Variants in CNTN5 observed in about 807,000 individuals in gnomAD.
The protein encoded by CNTN5 is contactin-5.
In CNTN5, 77 loss-of-function variants were observed where a neutral mutation model predicts 129.1. That is an observed-to-expected ratio of 0.60 (90% CI 0.50 to 0.72). CNTN5 has a LOEUF of 0.72. CNTN5 is among the 30% of genes least tolerant of loss of function. The probability of loss-of-function intolerance (pLI) is 0.00; values close to 1 mark genes in which losing one functional copy is unlikely to be tolerated. For synonymous variants in CNTN5, 509 were observed against 465.6 expected, an observed-to-expected ratio of 1.09 and a Z score of -1.20; for missense variants, 1,478 against 1,328.8, an observed-to-expected ratio of 1.11 and a Z score of -1.75.
intron 3 of CNTN5, among the ~76,000 whole-genome samples, chr11:99,696,407 G>C (rs1291612486): frequency 6.6e-6 from 1 of 151,838 alleles, no homozygotes; most frequent in Non-Finnish European, 1.5e-5. Context: ...ATTTTTATTT[G>C]GAAAGTCCTC....
At chr11:100,134,726 C>A (rs1946472413) in intron 13 of CNTN5, among the ~76,000 whole-genome samples, 1 of 152,150 alleles carries the variant, frequency 6.6e-6, no homozygotes, top group South Asian at 2.1e-4. Flanking sequence ...TCAATTTCTA[C>A]CAATCTGCCT....
At chr11:99,573,090 A>G (rs1353847090) in intron 3 of CNTN5, among the ~76,000 whole-genome samples, 1 of 152,208 alleles carries the variant, frequency 6.6e-6, no homozygotes, top group East Asian at 1.9e-4. Flanking sequence ...AATTTAGTAG[A>G]AAATTTAATA....
chr11:99,438,324 C>T (rs10501912), intron 2 of CNTN5, among the ~76,000 whole-genome samples: 26,200 of 151,918 alleles, frequency 0.17, 2,584 homozygotes, highest in Admixed American at 0.23. Context: ...AGGAACTATT[C>T]GTCTTATCTC....
intron 1 of CNTN5, among the ~76,000 whole-genome samples, chr11:99,130,701 A>ATAAT (rs60041670): frequency 0.73 from 110,747 of 151,618 alleles, 40,764 homozygotes; most frequent in Middle Eastern, 0.76. Flanking sequence ...AATTGATCAC[A>ATAAT]TAATTGGAAG....
intron 3 of CNTN5, among the ~76,000 whole-genome samples, chr11:99,579,258 T>C (rs989431612): frequency 1.3e-5 from 2 of 151,684 alleles, no homozygotes; most frequent in East Asian, 1.9e-4. Flanking sequence ...TGAAGTCAGG[T>C]AGCGTGATGC....
intron 13 of CNTN5, among the ~76,000 whole-genome samples, chr11:100,173,334 G>C (rs1358116106): frequency 1.3e-5 from 2 of 152,066 alleles, no homozygotes; most frequent in Admixed American, 1.3e-4. Flanking sequence ...CAAATTCAAG[G>C]AAGAGGGAAG....
chr11:100,133,583 G>T (rs1946441690), intron 13 of CNTN5, among the ~76,000 whole-genome samples: 1 of 152,090 alleles, frequency 6.6e-6, no homozygotes, highest in Admixed American at 6.6e-5. Context: ...ACCCCAGATA[G>T]ATATTTTAAC....
chr11:99,264,643 T>A (rs1862802304), intron 1 of CNTN5, among the ~76,000 whole-genome samples: 1 of 152,078 alleles, frequency 6.6e-6, no homozygotes, highest in African/African-American at 2.4e-5. Context: ...TAGAATTTGT[T>A]CAATCGTTTG....
rs2138699042 is a variant in CNTN5, at chr11:100,247,179, T to C, written c.2006-8581T>C. Among the ~76,000 whole-genome samples the C allele has an allele frequency of 2.0e-5, 3 of 152,230 alleles. No individual in the cohort carries two copies. In the South Asian group the frequency reaches 6.2e-4, roughly 32 times the overall value. On this transcript the variant is annotated intron_variant, in intron 16 of 24. Coordinates refer to ENST00000524871, the MANE Select transcript of CNTN5 (RefSeq NM_014361.4). ...ATGTGAAGCCTAAATAGGTGTTAAA[T>C]AGGCAAAGTAAGGAGGGACAGGAGT...
In CNTN5 at chr11:99,942,556, A is replaced by G. The variant is rs182494359; in HGVS notation, c.674-14250A>G. Among the ~76,000 whole-genome samples the G allele has an allele frequency of 1.9e-3, 284 of 152,242 alleles. 2 individuals are homozygous for G. Among genetic ancestry groups the G allele is most frequent in the African/African-American group, 6.7e-3 (278 of 41,566 alleles). On this transcript the variant is annotated intron_variant, in intron 7 of 24. Coordinates refer to ENST00000524871, the MANE Select transcript of CNTN5 (RefSeq NM_014361.4). ...TCTTTAAGTTCTGGGATACATGTGC[A>G]GAATGTGCAGGTTTGTTACATAGGT... is the stretch of plus-strand genomic sequence containing the variant.
chr11:99,999,922 C>T (rs1311140523), intron 8 of CNTN5, among the ~76,000 whole-genome samples: 102 of 151,576 alleles, frequency 6.7e-4, no homozygotes, highest in Non-Finnish European at 1.2e-3. Context: ...AAACCAAACA[C>T]TGCATGTTCT....
At chr11:100,262,700 A>G (rs547296652) in intron 17 of CNTN5, among the ~76,000 whole-genome samples, 1 of 152,328 alleles carries the variant, frequency 6.6e-6, no homozygotes, top group South Asian at 2.1e-4. Context: ...ACAGAAACCA[A>G]ACACCACATG....
chr11:99,132,464 G>A (rs1401145595), intron 1 of CNTN5, among the ~76,000 whole-genome samples: 1 of 152,108 alleles, frequency 6.6e-6, no homozygotes, highest in Non-Finnish European at 1.5e-5. Context: ...AAGTTAAATT[G>A]TCTTTGTTTG....
chr11:100,158,778 A>T (rs1020727639), intron 13 of CNTN5, among the ~76,000 whole-genome samples: 24 of 151,904 alleles, frequency 1.6e-4, no homozygotes, highest in African/African-American at 5.8e-4. Context: ...ACAGTTTGGC[A>T]TTATGTTCCA....
chr11:99,124,775 A>G (rs1385754126), intron 1 of CNTN5, among the ~76,000 whole-genome samples: 2 of 152,222 alleles, frequency 1.3e-5, no homozygotes, highest in East Asian at 3.9e-4. Context: ...AGAAATGACA[A>G]AGGGGATATT....
intron 1 of CNTN5, among the ~76,000 whole-genome samples, chr11:99,112,575 A>G (rs1210503841): frequency 6.6e-6 from 1 of 152,066 alleles, no homozygotes; most frequent in Admixed American, 6.6e-5. Flanking sequence ...ATTTATAGAG[A>G]TAATGCATTT....
At chr11:99,852,891 GC>G (rs1947917159) in intron 6 of CNTN5, among the ~76,000 whole-genome samples, 1 of 152,134 alleles carries the variant, frequency 6.6e-6, no homozygotes, top group Non-Finnish European at 1.5e-5. Flanking sequence ...CCTTTCCCAA[GC>G]ATAGGAGATT....
intron 3 of CNTN5, among the ~76,000 whole-genome samples, chr11:99,644,535 G>T (rs974911954): frequency 2.0e-5 from 3 of 152,010 alleles, no homozygotes; most frequent in African/African-American, 7.3e-5. Flanking sequence ...GAATTCTGAC[G>T]TTTAAAATTT....
chr11:99,817,988 A>G (rs1402263356), intron 3 of CNTN5, among the ~76,000 whole-genome samples: 2 of 152,180 alleles, frequency 1.3e-5, no homozygotes. Context: ...AACATCTAAA[A>G]ATATACTTTT....
Sources: gnomAD v4.1 joint callset for allele counts (sites outside exome capture counted in the v4.1 genomes callset) on GRCh38, gnomAD v4.1.1 for gene constraint, MANE v1.5 for transcripts, NCBI Gene and HGNC (gene_info 2026-07-23, HGNC 2026-07-21) for gene names.